The following LUC7L variants were observed in gnomAD, a reference collection of about 807,000 sequenced individuals.
The protein encoded by LUC7L is putative RNA-binding protein Luc7-like 1.
Under a neutral mutation model 51.1 loss-of-function variants are expected in LUC7L, and 29 were observed. The ratio of observed to expected loss-of-function variants is 0.57; its 90% CI spans 0.42 to 0.77. LUC7L has a LOEUF of 0.77. LUC7L is among the 30% of genes least tolerant of loss of function. The probability of loss-of-function intolerance (pLI) is 0.00; values close to 1 mark genes in which losing one functional copy is unlikely to be tolerated. For missense variants in LUC7L, 403 were observed against 511.9 expected (o/e 0.79, Z 2.05); for synonymous variants, 181 against 180.7 (o/e 1.00, Z -0.01).
chr16:192,802 C>CT (rs1210394759), intron 7 of LUC7L, 125 bp downstream of exon 7: 14 of 857,784 alleles, frequency 1.6e-5, no homozygotes, highest in Non-Finnish European at 2.7e-5. Context: ...CAGGCCTGGC[C>CT]TTACTATTTT....
chr16:229,369 G>A lies in LUC7L; in HGVS notation c.-30C>T, dbSNP rs926792064. 7.4e-6 allele frequency: 11 copies of A among 1,487,176 alleles called. No individual in the cohort carries two copies. The highest frequency in any genetic ancestry group is 1.3e-5 in the South Asian group (1 of 79,282). 92.1% of individuals were successfully genotyped at this position (1,487,176 alleles called of 1,614,324 possible). On this transcript the variant is annotated 5_prime_UTR_variant, in exon 1 of 10. Coordinates refer to ENST00000293872, the MANE Select transcript of LUC7L (RefSeq NM_201412.3). ...GCCGGCGGAGGCGACGGGGTCGGCC[G>A]CGACGACTTCTCTCAGGCAGGCGGT...
At chr16:227,193 A>G in intron 2 of LUC7L, 49 bp downstream of exon 2, 2 of 1,470,662 alleles carry the variant, frequency 1.4e-6, no homozygotes, top group Non-Finnish European at 1.9e-6. Context: ...CACTGCCTAT[A>G]CAGCACTCAT....
chr16:189,656 A>C, intron 9 of LUC7L: 1 of 1,321,502 alleles, frequency 7.6e-7, no homozygotes, highest in Non-Finnish European at 9.6e-7. Flanking sequence ...CAAAAACAAA[A>C]ACCAAAACAG....
rs992174914 is a variant in LUC7L at position 220,726 on chromosome 16, T to G, written c.178A>C (p.Thr60Pro). The change falls in exon 3 of 10, where the codon ACC becomes CCC. Residue 60 changes from threonine to proline, a missense_variant. Coordinates refer to ENST00000293872, the MANE Select transcript of LUC7L (RefSeq NM_201412.3). ...AGTRMDLGEC[T>P]KIHDLALRAD... is the part of the protein sequence containing the mutation. Reference sequence around the variant, plus strand: ...CGGAGGGCCAAGTCGTGGATTTTGGTACATTCTCCTAAATCCATGCGCTGT... The same window carrying G: ...CGGAGGGCCAAGTCGTGGATTTTGGGACATTCTCCTAAATCCATGCGCTGT... 1.2e-6 allele frequency: 2 copies of G among 1,613,916 alleles called. No homozygotes were observed. The highest frequency in any genetic ancestry group is 8.5e-7 in the Non-Finnish European group (1 of 1,179,792).
intron 2 of LUC7L, among the ~76,000 whole-genome samples, chr16:225,256 G>A (rs559522944): frequency 1.1e-4 from 16 of 152,126 alleles, no homozygotes; most frequent in African/African-American, 2.9e-4. Flanking sequence ...GGGAGGCCAA[G>A]GTGGGTGGAT....
chr16:224,495 G>A (rs936948904), intron 2 of LUC7L, among the ~76,000 whole-genome samples: 1 of 145,610 alleles, frequency 6.9e-6, no homozygotes, highest in Non-Finnish European at 1.5e-5. Context: ...TTCCAGCCTG[G>A]GCAACAAGAG....
chr16:227,825 C>T, intron 1 of LUC7L: 1 of 1,000,552 alleles, frequency 1.0e-6, no homozygotes, highest in Admixed American at 5.4e-5. Context: ...CTATCGAAGA[C>T]TGTTAAATAA....
At position 229,362 on chromosome 16, in the gene LUC7L, G is replaced by A. The variant is rs1661667513; in HGVS notation, c.-23C>T. On this transcript the variant is annotated 5_prime_UTR_variant, in exon 1 of 10. Transcript: ENST00000293872. Reference sequence around the variant, plus strand: ...CATGGTAGCCGGCGGAGGCGACGGGGTCGGCCGCGACGACTTCTCTCAGGC... The same window carrying A: ...CATGGTAGCCGGCGGAGGCGACGGGATCGGCCGCGACGACTTCTCTCAGGC... 13 of 1,491,906 alleles carry A rather than the reference G, an allele frequency of 8.7e-6. No homozygotes were observed. The highest frequency in any genetic ancestry group is 1.1e-5 in the Non-Finnish European group (12 of 1,122,636). The allele number at this position is 1,491,906 out of a possible 1,614,324, so 92.4% of individuals were successfully genotyped here. A position where few individuals can be genotyped will look rare whatever the true frequency, so the allele number is the denominator to read the frequency against.
chr16:226,415 T>A (rs554919655), intron 2 of LUC7L, among the ~76,000 whole-genome samples: 1 of 152,326 alleles, frequency 6.6e-6, no homozygotes, highest in African/African-American at 2.4e-5. Flanking sequence ...CTTCCACTAT[T>A]CAGTCTTTTC....
chr16:201,267 CTT>C (rs1348049224), intron 5 of LUC7L, among the ~76,000 whole-genome samples: 2 of 72,356 alleles, frequency 2.8e-5, no homozygotes, highest in African/African-American at 1.1e-4. Flanking sequence ...AAAAAAAAAA[CTT>C]AAGCAAAAAC....
At chr16:197,265 G>T (rs1409693553) in intron 6 of LUC7L, among the ~76,000 whole-genome samples, 2 of 141,780 alleles carry the variant, frequency 1.4e-5, no homozygotes, top group African/African-American at 2.7e-5. Flanking sequence ...GTAGGCTGGA[G>T]TGCAGTGGCA....
intron 2 of LUC7L, among the ~76,000 whole-genome samples, chr16:223,798 T>C (rs1249502960): frequency 2.0e-5 from 3 of 151,942 alleles, no homozygotes; most frequent in African/African-American, 7.2e-5. Flanking sequence ...GCCTCCCGAA[T>C]AGCTGGGACT....
intron 3 of LUC7L, among the ~76,000 whole-genome samples, chr16:218,538 T>C (rs1057238100): frequency 1.3e-5 from 2 of 152,082 alleles, no homozygotes; most frequent in African/African-American, 2.4e-5. Flanking sequence ...CTGGCCAACA[T>C]GGCGAAACCA....
At chr16:206,821 G>T (rs2049495892) in intron 4 of LUC7L, among the ~76,000 whole-genome samples, 1 of 149,646 alleles carries the variant, frequency 6.7e-6, no homozygotes, top group African/African-American at 2.5e-5. Flanking sequence ...CACTTCGGGA[G>T]GACAAGGCGG....
chr16:227,202 A>G, intron 2 of LUC7L, 40 bp downstream of exon 2: 2 of 1,531,606 alleles, frequency 1.3e-6, no homozygotes, highest in Non-Finnish European at 1.8e-6. Context: ...TACAGCACTC[A>G]TGTCAGAGTG....
chr16:227,535 G>C, intron 1 of LUC7L, 199 bp from the exon 2 acceptor site: 1 of 1,409,586 alleles, frequency 7.1e-7, no homozygotes, highest in Non-Finnish European at 9.2e-7. Context: ...ATATCATGGA[G>C]AATCACACTT....
chr16:217,322 ATTTATTC>A (rs1195398269), intron 3 of LUC7L, among the ~76,000 whole-genome samples: 1 of 152,114 alleles, frequency 6.6e-6, no homozygotes, highest in Non-Finnish European at 1.5e-5. Context: ...CGGTCCAGGA[ATTTATTC>A]TTTATTGAGA....
intron 9 of LUC7L, 168 bp downstream of exon 9, chr16:189,800 C>G: frequency 1.4e-6 from 2 of 1,429,970 alleles, no homozygotes; most frequent in Non-Finnish European, 1.8e-6. Context: ...AGCTCCTCCA[C>G]AGCCCTCTCG....
At chr16:218,965 GGC>G (rs1447034869) in intron 3 of LUC7L, among the ~76,000 whole-genome samples, 3 of 147,428 alleles carry the variant, frequency 2.0e-5, no homozygotes, top group Non-Finnish European at 4.5e-5. Flanking sequence ...CGGGTGTGGT[GGC>G]ACACACCTAT....
Sources: allele counts gnomAD v4.1 joint callset (sites outside exome capture counted in the v4.1 genomes callset), GRCh38; gene constraint gnomAD v4.1.1; transcripts MANE v1.5; gene names NCBI Gene and HGNC (gene_info 2026-07-23, HGNC 2026-07-21).